Variants in GLG1 observed in about 807,000 individuals in gnomAD.
GLG1 encodes the protein golgi glycoprotein 1.
A neutral mutation model predicts 160.5 loss-of-function variants in GLG1; 38 were observed. The ratio of observed to expected loss-of-function variants is 0.24; its 90% CI spans 0.18 to 0.31. The LOEUF (loss-of-function observed/expected upper bound fraction) is 0.31. GLG1 is among the 10% of genes least tolerant of loss of function. The pLI, the probability that GLG1 is intolerant of heterozygous loss-of-function variation, is 1.00. For synonymous variants in GLG1, 644 were observed against 543.4 expected, an observed-to-expected ratio of 1.19 and a Z score of -2.57; for missense variants, 1,373 against 1,505.2, an observed-to-expected ratio of 0.91 and a Z score of 1.45.
At chr16:74,487,388 G>A (rs2015831021) in intron 8 of GLG1, among the ~76,000 whole-genome samples, 2 of 151,790 alleles carry the variant, frequency 1.3e-5, no homozygotes, top group South Asian at 4.2e-4. Flanking sequence ...GGGATCATAG[G>A]TTAGATCACA....
At chr16:74,578,476 T>TA (rs1394805478) in intron 1 of GLG1, among the ~76,000 whole-genome samples, 4 of 152,286 alleles carry the variant, frequency 2.6e-5, no homozygotes, top group South Asian at 2.1e-4. Context: ...CTAATTTTTT[T>TA]AAAAAAATCA....
chr16:74,566,612 G>C (rs574209413), intron 1 of GLG1, among the ~76,000 whole-genome samples: 1 of 111,230 alleles, frequency 9.0e-6, no homozygotes, highest in Non-Finnish European at 1.8e-5. Context: ...TAACCTCTGA[G>C]CAGGTCTCTT....
At chr16:74,517,754 C>T (rs2017027449) in intron 2 of GLG1, among the ~76,000 whole-genome samples, 2 of 152,160 alleles carry the variant, frequency 1.3e-5, no homozygotes, top group South Asian at 4.1e-4. Flanking sequence ...GAGAAGAAGT[C>T]AAATTGTCCC....
At chr16:74,589,553 C>T (rs1958128471) in intron 1 of GLG1, among the ~76,000 whole-genome samples, 1 of 152,156 alleles carries the variant, frequency 6.6e-6, no homozygotes, top group East Asian at 1.9e-4. Flanking sequence ...TCTGTACTCT[C>T]CAAAAGCCCA....
chr16:74,535,340 A>G (rs1366290455), intron 1 of GLG1, among the ~76,000 whole-genome samples: 1 of 152,288 alleles, frequency 6.6e-6, no homozygotes, highest in Admixed American at 6.5e-5. Context: ...CCATGGAGAC[A>G]CAAAAGTGCA....
chr16:74,485,807 A>G lies in GLG1; in HGVS notation c.1560T>C (p.Ser520=), dbSNP rs1278113806. The G allele has an allele frequency of 6.2e-7, 1 of 1,613,218 alleles. No individual in the cohort carries two copies. The highest frequency in any genetic ancestry group is 8.5e-7 in the Non-Finnish European group (1 of 1,179,300). ...AGAAGATAACTTACATTGGGTCTCC[A>G]GATCTTATATGTTTGCAGGCTGTCT... ...VIQTACKHIR[S]GDPMILSCLM... Residue 520 remains serine (S), a synonymous_variant, in exon 9 of 26, where the codon TCT becomes TCC. Transcript: ENST00000422840.
At chr16:74,520,652 C>T (rs1342920809) in intron 2 of GLG1, among the ~76,000 whole-genome samples, 3 of 152,122 alleles carry the variant, frequency 2.0e-5, no homozygotes, top group Non-Finnish European at 4.4e-5. Context: ...ACAACAACAA[C>T]AACAACAAAT....
intron 2 of GLG1, among the ~76,000 whole-genome samples, chr16:74,510,609 A>G (rs1402870295): frequency 6.6e-6 from 1 of 152,200 alleles, no homozygotes; most frequent in Non-Finnish European, 1.5e-5. Flanking sequence ...ATATACTCCT[A>G]GACAAAAAAA....
chr16:74,530,631 T>C (rs1364523055), intron 2 of GLG1, among the ~76,000 whole-genome samples: 2 of 151,602 alleles, frequency 1.3e-5, no homozygotes, highest in African/African-American at 2.4e-5. Context: ...TGTGTATTTA[T>C]CCTTTTTTTT....
At chr16:74,508,534 T>G (rs1029410657) in intron 3 of GLG1, among the ~76,000 whole-genome samples, 1 of 152,212 alleles carries the variant, frequency 6.6e-6, no homozygotes, top group South Asian at 2.1e-4. Context: ...CAGGCTGATA[T>G]GCTTCAGACA....
At chr16:74,551,290 CTTATT>C (rs1240774075) in intron 1 of GLG1, among the ~76,000 whole-genome samples, 3 of 151,872 alleles carry the variant, frequency 2.0e-5, no homozygotes, top group Non-Finnish European at 2.9e-5. Flanking sequence ...AGTGCTATAT[CTTATT>C]TTATTTATTT....
intron 22 of GLG1, among the ~76,000 whole-genome samples, chr16:74,460,209 C>A (rs1378384772): frequency 1.3e-5 from 2 of 152,160 alleles, no homozygotes; most frequent in Non-Finnish European, 2.9e-5. Context: ...TTAGTAGAGA[C>A]AGAGTTTCTC....
chr16:74,588,292 A>G (rs1958096749), intron 1 of GLG1, among the ~76,000 whole-genome samples: 1 of 152,212 alleles, frequency 6.6e-6, no homozygotes, highest in Non-Finnish European at 1.5e-5. Context: ...AAAAATATAA[A>G]AAAAATAGCA....
intron 1 of GLG1, among the ~76,000 whole-genome samples, chr16:74,560,863 A>G (rs1180189215): frequency 6.6e-6 from 1 of 152,200 alleles, no homozygotes; most frequent in Admixed American, 6.5e-5. Flanking sequence ...GGAAGGAAAG[A>G]GAGAAGCAAT....
At chr16:74,510,201 T>C (rs2016759181) in intron 2 of GLG1, among the ~76,000 whole-genome samples, 1 of 151,634 alleles carries the variant, frequency 6.6e-6, no homozygotes, top group South Asian at 2.1e-4. Context: ...CTGGCTAATT[T>C]TGTATTTTTA....
intron 17 of GLG1, chr16:74,468,146 G>A (rs1366062009): frequency 4.6e-6 from 1 of 217,242 alleles, no homozygotes; most frequent in East Asian, 9.8e-5. Flanking sequence ...TTATATAAAT[G>A]TAGAGTTCTA....
chr16:74,550,084 C>G (rs145635428), intron 1 of GLG1, among the ~76,000 whole-genome samples: 17,881 of 151,584 alleles, frequency 0.12, 597 homozygotes, highest in Admixed American at 0.21. Context: ...CACCATTGCA[C>G]TCCAGCCTGA....
At chr16:74,547,781 G>T (rs1366305192) in intron 1 of GLG1, among the ~76,000 whole-genome samples, 4 of 152,240 alleles carry the variant, frequency 2.6e-5, no homozygotes, top group African/African-American at 9.6e-5. Flanking sequence ...GTTGACATCT[G>T]TGACAAATTT....
intron 14 of GLG1, 75 bp downstream of exon 14, chr16:74,472,274 G>T: frequency 2.1e-6 from 2 of 948,942 alleles, no homozygotes; most frequent in Non-Finnish European, 3.4e-6. Flanking sequence ...ACAGAGGTGA[G>T]TCTGAGATAC....
Sources: allele counts gnomAD v4.1 joint callset (sites outside exome capture counted in the v4.1 genomes callset), GRCh38; gene constraint gnomAD v4.1.1; transcripts MANE v1.5; gene names NCBI Gene and HGNC (gene_info 2026-07-23, HGNC 2026-07-21).